Variants in PLEKHH2 observed in about 807,000 individuals in gnomAD.
The protein encoded by PLEKHH2 is pleckstrin homology, MyTH4 and FERM domain containing H2.
Under a neutral mutation model 187.9 loss-of-function variants are expected in PLEKHH2, and 129 were observed. The ratio of observed to expected loss-of-function variants is 0.69; its 90% CI spans 0.59 to 0.79. The LOEUF (loss-of-function observed/expected upper bound fraction) is 0.79. Among genes scored for constraint, PLEKHH2 ranks in the 30% least tolerant of loss-of-function variants. The pLI is 0.00. For missense variants in PLEKHH2, 2,076 were observed against 1,751.2 expected (o/e 1.19, Z -3.31); for synonymous variants, 686 against 605.6 (o/e 1.13, Z -1.95).
At chr2:43,643,922 A>G (rs573588792) in intron 1 of PLEKHH2, among the ~76,000 whole-genome samples, 1 of 152,254 alleles carries the variant, frequency 6.6e-6, no homozygotes, top group East Asian at 1.9e-4. Context: ...TCTCCCTGCA[A>G]TTAATATCCT....
chr2:43,738,085 A>G (rs1367340534), intron 19 of PLEKHH2, among the ~76,000 whole-genome samples: 1 of 152,182 alleles, frequency 6.6e-6, no homozygotes, highest in African/African-American at 2.4e-5. Context: ...TAGGATTGTT[A>G]TGTCTTCTAG....
rs908917740 is a variant in PLEKHH2 at position 43,764,151 on chromosome 2, G to A, written c.4159-77G>A. On this transcript the variant is annotated intron_variant, in intron 28 of 29. Coordinates refer to ENST00000282406, the MANE Select transcript of PLEKHH2 (RefSeq NM_172069.4). Reference sequence around the variant, plus strand: ...TGATTAATATCTGCCTTTTAATGGAGATATATTATTAATTATTTTCCATCT... The same window carrying A: ...TGATTAATATCTGCCTTTTAATGGAAATATATTATTAATTATTTTCCATCT... 5 of 855,124 alleles carry A rather than the reference G, an allele frequency of 5.8e-6. No homozygotes were observed. In the East Asian group the frequency reaches 1.2e-4, roughly 21 times the overall value. The allele number at this position is 855,124 out of a possible 1,614,324, so 53.0% of individuals were successfully genotyped here.
At chr2:43,709,848 T>C (rs1669863144) in intron 11 of PLEKHH2, 142 bp from the exon 12 acceptor site, 2 of 903,828 alleles carry the variant, frequency 2.2e-6, no homozygotes, top group Admixed American at 5.4e-5. Flanking sequence ...AAAAGTTATT[T>C]ATGGCCAAAG....
intron 11 of PLEKHH2, 25 bp downstream of exon 11, chr2:43,707,570 AG>A (rs1163793150): frequency 6.2e-7 from 1 of 1,612,746 alleles, no homozygotes; most frequent in Non-Finnish European, 8.5e-7. Flanking sequence ...CAGGCATATG[AG>A]GCAACTCCAG....
chr2:43,666,649 A>G (rs969242494), intron 2 of PLEKHH2, among the ~76,000 whole-genome samples: 6 of 152,214 alleles, frequency 3.9e-5, no homozygotes, highest in African/African-American at 9.6e-5. Context: ...AGCCATATTA[A>G]TAGGTATGTA....
chr2:43,720,402 A>G lies in PLEKHH2; in HGVS notation c.2461-267A>G, dbSNP rs547737204. ...AGATCCCATCACCCAGGTAGTGAGC[A>G]TAGTACCCGATAGGTAGCTTTTTAA... On this transcript the variant is annotated intron_variant, in intron 15 of 29. Coordinates refer to ENST00000282406, the MANE Select transcript of PLEKHH2 (RefSeq NM_172069.4). 1.1e-4 allele frequency among the ~76,000 whole-genome samples: 17 copies of G among 152,160 alleles called. No homozygotes were observed. In the East Asian group the frequency reaches 3.3e-3, roughly 29 times the overall value.
chr2:43,746,121 G>A (rs1017621298), intron 24 of PLEKHH2, among the ~76,000 whole-genome samples, 158 bp downstream of exon 24: 7 of 152,148 alleles, frequency 4.6e-5, no homozygotes, highest in Admixed American at 2.6e-4. Flanking sequence ...AAAAAACCTT[G>A]TCACATAAAA....
At chr2:43,718,969 G>A (rs1391393226) in intron 15 of PLEKHH2, among the ~76,000 whole-genome samples, 1 of 152,146 alleles carries the variant, frequency 6.6e-6, no homozygotes, top group Non-Finnish European at 1.5e-5. Context: ...GGCTGACTGG[G>A]TTTATGAGTT....
Position 43,699,767 on chromosome 2 carries a change from C to T in PLEKHH2, c.809C>T (p.Ala270Val). 2 of 1,614,176 alleles carry T rather than the reference C, an allele frequency of 1.2e-6. No homozygotes were observed. The highest frequency in any genetic ancestry group is 1.7e-6 in the Non-Finnish European group (2 of 1,180,044). The change falls in exon 8 of 30, where the codon GCC becomes GTC. Residue 270 changes from alanine to valine, a missense_variant. Coordinates refer to ENST00000282406, the MANE Select transcript of PLEKHH2 (RefSeq NM_172069.4). ...AATCGGAAAACAAGAACAAGCTTTG[C>T]CACAGATGGTGGCATCTCCCAGAAT... ...EQNRKTRTSF[A>V]TDGGISQNSG...
intron 19 of PLEKHH2, among the ~76,000 whole-genome samples, chr2:43,736,556 C>A (rs1002763754): frequency 6.6e-6 from 1 of 152,060 alleles, no homozygotes; most frequent in East Asian, 1.9e-4. Flanking sequence ...CAGGGCTGAT[C>A]GGGCGCGGTG....
intron 7 of PLEKHH2, among the ~76,000 whole-genome samples, chr2:43,699,438 G>A (rs1244961577): frequency 2.6e-5 from 4 of 152,098 alleles, no homozygotes; most frequent in Admixed American, 6.5e-5. Context: ...GAGTGCAGTG[G>A]CTGATCATAG....
intron 3 of PLEKHH2, among the ~76,000 whole-genome samples, chr2:43,687,630 C>G (rs13403260): frequency 0.023 from 3,520 of 152,246 alleles, 151 homozygotes; most frequent in African/African-American, 0.08. Flanking sequence ...TCCCATTTCT[C>G]CACAGCATTG....
rs1160689277 is a variant in PLEKHH2 at position 43,701,787 on chromosome 2, GATGAAGTTTC to G, written c.1650+1181_1650+1190del. Among the ~76,000 whole-genome samples the G allele has an allele frequency of 2.1e-4, 25 of 120,188 alleles. 1 individual carries two copies. The highest frequency in any genetic ancestry group is 5.1e-5 in the Non-Finnish European group (3 of 59,252). 78.8% of individuals were successfully genotyped at this position (120,188 alleles called of 152,430 possible). A position where few individuals can be genotyped will look rare whatever the true frequency, so the allele number is the denominator to read the frequency against. On this transcript the variant is annotated intron_variant, in intron 8 of 29. Transcript: ENST00000282406. Reference sequence around the variant, plus strand: ...TTTTAATTTTTTTTTTTTTTTTTGAGATGAAGTTTCACTCTTGTCTCCCGGGCTAGAGTGC... The same window carrying G: ...TTTTAATTTTTTTTTTTTTTTTTGAGACTCTTGTCTCCCGGGCTAGAGTGC...
intron 3 of PLEKHH2, chr2:43,681,309 T>C (rs1668171160): frequency 2.5e-6 from 2 of 801,334 alleles, no homozygotes; most frequent in Non-Finnish European, 4.0e-6. Context: ...CTGTCTGTGT[T>C]GGTGAGGAAT....
chr2:43,647,244 T>C (rs1396767092), intron 2 of PLEKHH2, among the ~76,000 whole-genome samples: 1 of 152,262 alleles, frequency 6.6e-6, no homozygotes, highest in Non-Finnish European at 1.5e-5. Context: ...GCTTTAAATA[T>C]ATAAACTTTT....
chr2:43,699,566 C>T, intron 7 of PLEKHH2, 81 bp from the exon 8 acceptor site: 3 of 1,482,500 alleles, frequency 2.0e-6, no homozygotes, highest in South Asian at 2.7e-5. Flanking sequence ...TCAATTTCTA[C>T]AGTGTAGCTA....
rs1672643862 is a variant in PLEKHH2 at position 43,766,903 on chromosome 2, A to C, written c.*1305A>C. The C allele has an allele frequency of 6.6e-6, 1 of 152,588 alleles. No individual in the cohort carries two copies. The highest frequency in any genetic ancestry group is 2.4e-5 in the African/African-American group (1 of 41,426). 9.5% of individuals were successfully genotyped at this position (152,588 alleles called of 1,614,324 possible). On this transcript the variant is annotated 3_prime_UTR_variant, in exon 30 of 30. Coordinates refer to ENST00000282406, the MANE Select transcript of PLEKHH2 (RefSeq NM_172069.4). ...ATGAGCCACCGTGCCCAGCCTCAAA[A>C]ATATTTTTTAAAAGAAAAGAGAAAA...
intron 24 of PLEKHH2, among the ~76,000 whole-genome samples, chr2:43,752,912 C>G (rs1401019977): frequency 1.3e-5 from 2 of 152,204 alleles, no homozygotes; most frequent in Non-Finnish European, 2.9e-5. Context: ...AGCTGCTTAT[C>G]AGATTGTGGC....
chr2:43,737,989 A>T (rs896967791), intron 19 of PLEKHH2, among the ~76,000 whole-genome samples: 1 of 152,232 alleles, frequency 6.6e-6, no homozygotes, highest in Admixed American at 6.5e-5. Context: ...ATTTTTAGAG[A>T]TGAAAAATGC....
Sources: allele counts gnomAD v4.1 joint callset (sites outside exome capture counted in the v4.1 genomes callset), GRCh38; gene constraint gnomAD v4.1.1; transcripts MANE v1.5; gene names NCBI Gene and HGNC (gene_info 2026-07-23, HGNC 2026-07-21).